The following PARVA variants were observed in gnomAD, a reference collection of about 807,000 sequenced individuals.
PARVA encodes parvin alpha.
In PARVA, 25 loss-of-function variants were observed where a neutral mutation model predicts 52.6. The ratio of observed to expected loss-of-function variants is 0.48; its 90% CI spans 0.35 to 0.66. The LOEUF is 0.66. Among genes scored for constraint, PARVA ranks in the 30% least tolerant of loss-of-function variants. PARVA has a pLI of 0.01. For missense variants in PARVA, 373 were observed against 450.9 expected (o/e 0.83, Z 1.56); for synonymous variants, 185 against 179.1 (o/e 1.03, Z -0.26).
chr11:12,534,515 A>T lies in PARVA; in HGVS notation c.*6590A>T, dbSNP rs1204396931. On this transcript the variant is annotated 3_prime_UTR_variant, in exon 13 of 13. Transcript: ENST00000334956. ...ATTCAGAGAAGTACCCATTATTAAG[A>T]TAAATGATGTTTTATCAATGAAGCA... Among the ~76,000 whole-genome samples the T allele has an allele frequency of 3.3e-5, 5 of 152,352 alleles. No individual in the cohort carries two copies. The South Asian group carries it at 6.2e-4, about 19-fold the overall frequency.
intron 1 of PARVA, among the ~76,000 whole-genome samples, chr11:12,423,171 T>A (rs1430470289): frequency 2.7e-5 from 4 of 150,524 alleles, no homozygotes; most frequent in Admixed American, 6.7e-5. Context: ...TTGTTACTTT[T>A]CATTAAGGAG....
At chr11:12,458,085 G>T (rs1244855213) in intron 1 of PARVA, among the ~76,000 whole-genome samples, 1 of 152,216 alleles carries the variant, frequency 6.6e-6, no homozygotes, top group African/African-American at 2.4e-5. Flanking sequence ...GGGAGGAAAG[G>T]AATGAGTACA....
intron 1 of PARVA, among the ~76,000 whole-genome samples, chr11:12,435,375 G>A (rs1014633495): frequency 1.3e-5 from 2 of 152,206 alleles, no homozygotes; most frequent in Non-Finnish European, 2.9e-5. Context: ...AAAGTACAGA[G>A]GGTTGACCAT....
At chr11:12,523,489 T>C (rs1941664041) in intron 12 of PARVA, among the ~76,000 whole-genome samples, 1 of 152,204 alleles carries the variant, frequency 6.6e-6, no homozygotes, top group Admixed American at 6.5e-5. Flanking sequence ...GAGGGCCTTG[T>C]CCCTTTGTGC....
chr11:12,393,064 A>AAAAG (rs1565325576), intron 1 of PARVA, among the ~76,000 whole-genome samples: 38 of 146,754 alleles, frequency 2.6e-4, no homozygotes, highest in African/African-American at 2.9e-4. Flanking sequence ...AAAAAAAAAA[A>AAAAG]AAAGAAAGAA....
intron 1 of PARVA, among the ~76,000 whole-genome samples, chr11:12,400,574 C>T (rs1939812599): frequency 6.6e-6 from 1 of 152,140 alleles, no homozygotes; most frequent in Admixed American, 6.5e-5. Context: ...TGAATTCCAA[C>T]CAAATACTAT....
intron 1 of PARVA, among the ~76,000 whole-genome samples, chr11:12,461,673 A>C (rs796318450): frequency 2.6e-5 from 4 of 152,358 alleles, no homozygotes; most frequent in African/African-American, 9.6e-5. Context: ...ATTGGAGGAC[A>C]GCCGCATCAC....
intron 4 of PARVA, among the ~76,000 whole-genome samples, chr11:12,490,072 C>T (rs1392137584): frequency 1.2e-4 from 18 of 151,936 alleles, no homozygotes; most frequent in East Asian, 5.8e-4. Flanking sequence ...AAAAATTAGC[C>T]GGGTGTGGTG....
intron 1 of PARVA, among the ~76,000 whole-genome samples, chr11:12,432,042 A>G (rs1564845477): frequency 1.3e-5 from 2 of 152,268 alleles, no homozygotes; most frequent in African/African-American, 2.4e-5. Context: ...GAGCTCTGCA[A>G]AGGAGCTATA....
At chr11:12,482,051 G>A (rs575756647) in intron 4 of PARVA, among the ~76,000 whole-genome samples, 6 of 151,032 alleles carry the variant, frequency 4.0e-5, no homozygotes, top group East Asian at 2.0e-4. Context: ...TGCTACTTGC[G>A]AGGCTAAGAC....
intron 8 of PARVA, 25 bp downstream of exon 8, chr11:12,511,558 G>A (rs756546098): frequency 1.9e-6 from 3 of 1,612,184 alleles, no homozygotes; most frequent in Admixed American, 1.7e-5. Flanking sequence ...ATTGTCCTCT[G>A]GCACTGGTGG....
chr11:12,437,858 G>A (rs968097762), intron 1 of PARVA, among the ~76,000 whole-genome samples: 1 of 152,194 alleles, frequency 6.6e-6, no homozygotes. Flanking sequence ...CCGTGACTTT[G>A]TACCTCTGCT....
chr11:12,472,933 A>G (rs1489476474), intron 1 of PARVA, among the ~76,000 whole-genome samples: 1 of 152,180 alleles, frequency 6.6e-6, no homozygotes, highest in Non-Finnish European at 1.5e-5. Flanking sequence ...CTAAGGCTCC[A>G]TGTGGGGGCT....
At chr11:12,412,371 T>C (rs1940002848) in intron 1 of PARVA, among the ~76,000 whole-genome samples, 1 of 152,212 alleles carries the variant, frequency 6.6e-6, no homozygotes, top group Admixed American at 6.5e-5. Context: ...CAGTGGATGA[T>C]GGATACCAGA....
In PARVA at chr11:12,429,175, C is replaced by T. The variant is rs61877484; in HGVS notation, c.137-44570C>T. On this transcript the variant is annotated intron_variant, in intron 1 of 12. Transcript: ENST00000334956. ...TTTTAATTTTTGGTAGAGACAGGGT[C>T]TCACTTCATTGCCCAGACTGGTCTT... Among the ~76,000 whole-genome samples, 3,178 of 152,192 alleles carry T rather than the reference C, an allele frequency of 0.021. 176 individuals are homozygous for T. The East Asian group carries it at 0.24, about 11-fold the overall frequency.
intron 1 of PARVA, among the ~76,000 whole-genome samples, chr11:12,419,321 C>G (rs986122250): frequency 1.3e-5 from 2 of 151,680 alleles, no homozygotes; most frequent in Non-Finnish European, 2.9e-5. Context: ...TTTTATGTCT[C>G]GATGAATCTG....
chr11:12,457,799 T>TATGCACACAG (rs11267135), intron 1 of PARVA, among the ~76,000 whole-genome samples: 138,650 of 152,074 alleles, frequency 0.91, 64,555 homozygotes, highest in Non-Finnish European at 1. Flanking sequence ...GTCCTTCAGA[T>TATGCACACAG]ATGCACAATT....
At chr11:12,386,509 T>C (rs1939574133) in intron 1 of PARVA, among the ~76,000 whole-genome samples, 2 of 152,240 alleles carry the variant, frequency 1.3e-5, no homozygotes, top group African/African-American at 4.8e-5. Context: ...GCCTTGTCTA[T>C]ACTCTGTGCT....
chr11:12,398,568 C>A (rs1294858680), intron 1 of PARVA, among the ~76,000 whole-genome samples: 6 of 150,660 alleles, frequency 4.0e-5, no homozygotes, highest in South Asian at 2.1e-4. Flanking sequence ...CCTCTAGGGA[C>A]CCCCGTCCTC....
Sources: gnomAD v4.1 joint callset for allele counts (sites outside exome capture counted in the v4.1 genomes callset) on GRCh38, gnomAD v4.1.1 for gene constraint, MANE v1.5 for transcripts, NCBI Gene and HGNC (gene_info 2026-07-23, HGNC 2026-07-21) for gene names.